The following SCN1A variants were observed in gnomAD, a reference collection of about 807,000 sequenced individuals.
SCN1A encodes the protein sodium channel protein type 1 subunit alpha.
A neutral mutation model predicts 193.7 loss-of-function variants in SCN1A; 13 were observed. The ratio of observed to expected loss-of-function variants is 0.07; its 90% CI spans 0.04 to 0.11. The LOEUF is 0.11. Ranked by LOEUF, SCN1A falls within the 10% of genes least tolerant of loss-of-function variation. The pLI is 1.00. For synonymous variants in SCN1A, 781 were observed against 843.6 expected (o/e 0.93, Z 1.29); for missense variants, 1,432 against 2,451.1 (o/e 0.58, Z 8.78).
At chr2:166,095,676 AAT>A (rs764216545) in intron 2 of SCN1A, among the ~76,000 whole-genome samples, 15 of 152,174 alleles carry the variant, frequency 9.9e-5, no homozygotes, top group Non-Finnish European at 1.9e-4. Flanking sequence ...CTTGGTTCAA[AAT>A]ATACTACACG....
chr2:166,081,057 G>C (rs186543592), intron 2 of SCN1A, among the ~76,000 whole-genome samples: 1 of 151,820 alleles, frequency 6.6e-6, no homozygotes, highest in Non-Finnish European at 1.5e-5. Flanking sequence ...TCCCGTAGAA[G>C]AGGACACATG....
chr2:166,042,229 T>C lies in SCN1A; in HGVS notation c.2176+63A>G, dbSNP rs540036942. 1.4e-5 allele frequency: 22 copies of C among 1,531,148 alleles called. No homozygotes were observed. The African/African-American group carries it at 2.6e-4, about 18-fold the overall frequency. The allele number at this position is 1,531,148 out of a possible 1,614,324, so 94.8% of individuals were successfully genotyped here. On this transcript the variant is annotated intron_variant, in intron 15 of 28. Coordinates refer to ENST00000674923, the MANE Select transcript of SCN1A (RefSeq NM_001165963.4). ...ATTCCCAACTCACAAATATATTTGT[T>C]TGAAATGAGACAATATAAGTTTGGT...
At chr2:166,027,006 A>G (rs1694884011) in intron 19 of SCN1A, 2 of 152,250 alleles carry the variant, frequency 1.3e-5, no homozygotes, top group Admixed American at 6.5e-5. Context: ...AATTTTACCA[A>G]TTTCTAAATA....
intron 1 of SCN1A, among the ~76,000 whole-genome samples, chr2:166,142,644 C>T (rs1284872506): frequency 2.6e-5 from 4 of 152,096 alleles, no homozygotes; most frequent in African/African-American, 7.2e-5. Context: ...CTTTCCTTAC[C>T]TCTCTGAATA....
rs58140851 is a variant in SCN1A at position 166,007,667 on chromosome 2, T to C, written c.4002+2052A>G. 0.011 allele frequency among the ~76,000 whole-genome samples: 1,679 copies of C among 151,518 alleles called. 20 individuals are homozygous for C. Among genetic ancestry groups the C allele is most frequent in the Middle Eastern group, 0.034 (10 of 294 alleles). ...TTATTTGTTACTTTCTAACTTCTTA[T>C]CAAGCACTGTACAACATGCTTTATT... On this transcript the variant is annotated intron_variant, in intron 23 of 28. Coordinates refer to ENST00000674923, the MANE Select transcript of SCN1A (RefSeq NM_001165963.4).
intron 27 of SCN1A, among the ~76,000 whole-genome samples, chr2:165,995,560 C>G (rs1263881752): frequency 2.6e-5 from 4 of 151,736 alleles, no homozygotes; most frequent in Non-Finnish European, 4.4e-5. Context: ...CTTAGTATCT[C>G]TAGTGAAAAA....
At chr2:166,091,728 T>G (rs777943730) in intron 2 of SCN1A, among the ~76,000 whole-genome samples, 2 of 152,206 alleles carry the variant, frequency 1.3e-5, no homozygotes, top group Admixed American at 6.5e-5. Context: ...GCAAATACTT[T>G]AGTGCAATAA....
chr2:166,059,874 T>A (rs1315529437), intron 4 of SCN1A, among the ~76,000 whole-genome samples: 1 of 147,844 alleles, frequency 6.8e-6, no homozygotes, highest in Non-Finnish European at 1.5e-5. Flanking sequence ...GCTAATGGAG[T>A]TGGTTTTTGA....
chr2:166,041,602 T>C, intron 15 of SCN1A, 133 bp from the exon 16 acceptor site: 1 of 685,240 alleles, frequency 1.5e-6, no homozygotes, highest in Non-Finnish European at 2.5e-6. Context: ...TTTGTACTTG[T>C]TAAAAAAATT....
At position 165,992,963 on chromosome 2, in the gene SCN1A, C is replaced by T. The variant is rs1402162793; in HGVS notation, c.4853-541G>A. The T allele has an allele frequency of 1.3e-5, 2 of 152,914 alleles. No individual in the cohort carries two copies. Among genetic ancestry groups the T allele is most frequent in the Non-Finnish European group, 2.9e-5 (2 of 68,888 alleles). The allele number at this position is 152,914 out of a possible 1,614,324, so 9.5% of individuals were successfully genotyped here. ...TTCTGGTGCATTTCTGAAAGGATCC[C>T]AGGTTGATGCTCTTTTTAGTATCCT... On this transcript the variant is annotated intron_variant, in intron 28 of 28. Transcript: ENST00000674923. The surrounding 1 kb of genome is among the most constrained non-coding windows in gnomAD (Gnocchi z 6.5).
At chr2:166,087,975 G>T (rs1574436878) in intron 2 of SCN1A, among the ~76,000 whole-genome samples, 1 of 152,094 alleles carries the variant, frequency 6.6e-6, no homozygotes, top group Non-Finnish European at 1.5e-5. Flanking sequence ...TTAAGTCCCA[G>T]AGTAGAAGAA....
At chr2:166,044,102 A>G in intron 13 of SCN1A, 53 bp from the exon 14 acceptor site, 1 of 1,589,892 alleles carries the variant, frequency 6.3e-7, no homozygotes, top group Non-Finnish European at 8.6e-7. Flanking sequence ...GGACATTTGA[A>G]TGTGATTTCA....
At position 166,079,143 on chromosome 2, in the gene SCN1A, A is replaced by G. The variant is rs1685249932; in HGVS notation, c.-141-1342T>C. On this transcript the variant is annotated intron_variant, in intron 2 of 28. Coordinates refer to ENST00000674923, the MANE Select transcript of SCN1A (RefSeq NM_001165963.4). ...TGATCTTATTTCTTATCTTATGTAGACCTTCTATGTCTGTACATATTTTTT... is the reference window on the plus strand; with the variant it reads ...TGATCTTATTTCTTATCTTATGTAGGCCTTCTATGTCTGTACATATTTTTT... 2.0e-5 allele frequency among the ~76,000 whole-genome samples: 3 copies of G among 151,442 alleles called. No individual in the cohort carries two copies. The South Asian group carries it at 6.2e-4, about 31-fold the overall frequency.
intron 2 of SCN1A, among the ~76,000 whole-genome samples, chr2:166,106,778 C>T (rs887252391): frequency 2.6e-5 from 4 of 152,060 alleles, no homozygotes; most frequent in East Asian, 1.9e-4. Flanking sequence ...TGCTAATGAT[C>T]GAAGTAAAAT....
Position 166,067,262 on chromosome 2 carries a change from T to C in SCN1A, c.264+6096A>G, listed in dbSNP as rs545984532. Among the ~76,000 whole-genome samples the C allele has an allele frequency of 3.9e-5, 6 of 152,178 alleles. No individual in the cohort carries two copies. In the South Asian group the frequency reaches 8.3e-4, roughly 21 times the overall value. ...CTCCCTGTCTCTGTCTCAGAAACAG[T>C]CCCAAGATGGTGATGTTGATAAAAA... On this transcript the variant is annotated intron_variant, in intron 4 of 28. Transcript: ENST00000674923.
In SCN1A at chr2:166,015,739, A is replaced by T. The variant is rs1158651148; in HGVS notation, c.3430-12T>A. 6.2e-7 allele frequency: 1 copy of T among 1,612,234 alleles called. No homozygotes were observed. The highest frequency in any genetic ancestry group is 1.3e-5 in the African/African-American group (1 of 74,824). Reference sequence around the variant, plus strand: ...CTTTCATTCAGTTTCTGTAAGTGAGATGGACATAGAAAGTAAAGTCCTTTA... The same window carrying T: ...CTTTCATTCAGTTTCTGTAAGTGAGTTGGACATAGAAAGTAAAGTCCTTTA... On this transcript the variant is annotated splice_polypyrimidine_tract_variant and intron_variant, in intron 19 of 28. Transcript: ENST00000674923.
chr2:165,996,785 A>C (rs1230581894), intron 26 of SCN1A, among the ~76,000 whole-genome samples: 1 of 151,490 alleles, frequency 6.6e-6, no homozygotes, highest in Non-Finnish European at 1.5e-5. Context: ...AATGTTCTGT[A>C]GTCTAAGAAA....
chr2:166,122,646 C>T (rs968588550), intron 2 of SCN1A, among the ~76,000 whole-genome samples: 3 of 151,976 alleles, frequency 2.0e-5, no homozygotes, highest in East Asian at 1.9e-4. Flanking sequence ...CTTTTCAACA[C>T]GTGGTGCTGG....
chr2:166,113,309 C>A (rs1036466573), intron 2 of SCN1A, among the ~76,000 whole-genome samples: 1 of 151,904 alleles, frequency 6.6e-6, no homozygotes, highest in African/African-American at 2.4e-5. Flanking sequence ...AATTTAGAAT[C>A]TAAGTACTTA....
Sources: gnomAD v4.1 joint callset for allele counts (sites outside exome capture counted in the v4.1 genomes callset) on GRCh38, gnomAD v4.1.1 for gene constraint, Gnocchi (gnomAD v3.1) non-coding constraint, MANE v1.5 for transcripts, NCBI Gene and HGNC (gene_info 2026-07-23, HGNC 2026-07-21) for gene names.